KARS1: variants seen among roughly 807,000 people sequenced by gnomAD.
The protein encoded by KARS1 is lysine--tRNA ligase.
KARS1 carries 50 observed loss-of-function variants against 63.9 expected under a neutral mutation model. The observed-to-expected ratio is 0.78, with a 90% CI of 0.62 to 0.99. KARS1 has a LOEUF of 0.99. Among genes scored for constraint, KARS1 ranks in the 50% least tolerant of loss-of-function variants. The pLI is 0.00. For synonymous variants in KARS1, 320 were observed against 264.6 expected (o/e 1.21, Z -2.03); for missense variants, 816 against 754.5 (o/e 1.08, Z -0.95).
rs186579373 is a variant in KARS1 at position 75,636,066 on chromosome 16, A to T, written c.515T>A (p.Ile172Asn). ...GTCTCCCCGACGCAGTTTGTTATTA[A>T]TATGAATAAATTCTTCTTCTGATTT... The part of the protein sequence containing the change: ...NYKSEEEFIH[I>N]NNKLRRGDII... Residue 172 changes from isoleucine to asparagine, a missense_variant, in exon 5 of 14, where the codon ATT becomes AAT. By Grantham distance (149) the Ile-to-Asn change is moderately radical. Coordinates refer to ENST00000302445, the MANE Select transcript of KARS1 (RefSeq NM_005548.3). 20 of 1,600,116 alleles carry T rather than the reference A, an allele frequency of 1.2e-5. No homozygotes were observed. The African/African-American group carries it at 2.7e-4, about 21-fold the overall frequency.
intron 3 of KARS1, among the ~76,000 whole-genome samples, chr16:75,638,230 T>TTA (rs2082185618): frequency 6.6e-6 from 1 of 150,654 alleles, no homozygotes. Flanking sequence ...TTTTTTTTTT[T>TTA]ATTTTACTTT....
intron 7 of KARS1, among the ~76,000 whole-genome samples, chr16:75,633,719 G>C (rs1247363162): frequency 6.6e-6 from 1 of 152,088 alleles, no homozygotes; most frequent in African/African-American, 2.4e-5. Context: ...GTTTCACCAT[G>C]TTGGCCAGGT....
intron 1 of KARS1, among the ~76,000 whole-genome samples, chr16:75,646,544 A>T (rs2082286134): frequency 6.6e-6 from 1 of 151,936 alleles, no homozygotes; most frequent in African/African-American, 2.4e-5. Flanking sequence ...CATCTTAAAA[A>T]AAAAAAAAAA....
chr16:75,631,356 A>G, intron 9 of KARS1, 60 bp downstream of exon 9: 1 of 1,589,296 alleles, frequency 6.3e-7, no homozygotes, highest in Non-Finnish European at 8.6e-7. Context: ...GACCCAATCA[A>G]ATTCAGAGCT....
chr16:75,632,046 C>G (rs540500103), intron 7 of KARS1, among the ~76,000 whole-genome samples, 191 bp from the exon 8 acceptor site: 45 of 152,262 alleles, frequency 3.0e-4, no homozygotes, highest in Non-Finnish European at 1.3e-4. Flanking sequence ...TGCCACCACG[C>G]CTGGCTAATT....
At chr16:75,631,358 T>C in intron 9 of KARS1, 58 bp downstream of exon 9, 1 of 1,590,524 alleles carries the variant, frequency 6.3e-7, no homozygotes, top group East Asian at 2.2e-5. Context: ...CCCAATCAAA[T>C]TCAGAGCTGA....
At position 75,640,207 on chromosome 16, in the gene KARS1, G is replaced by C. The variant is rs368331785; in HGVS notation, c.365C>G (p.Thr122Ser). The stretch of plus-strand genomic sequence containing the variant: ...ACCTGCCACCTTTAAGGTGATGTCA[G>C]TCAGGTGATCCCCAGGCTGCAGGTG... ...YSHLQPGDHLTDITLKVAGRI... is the reference protein window; with the variant it reads ...YSHLQPGDHLSDITLKVAGRI... The change falls in exon 3 of 14, where the codon ACT (threonine) becomes AGT (serine). Residue 122 changes from threonine (T) to serine (S), a missense_variant. Thr to Ser is a moderately conservative substitution (Grantham distance 58, BLOSUM62 1). Transcript: ENST00000302445. The C allele has an allele frequency of 6.2e-7, 1 of 1,614,114 alleles. No homozygotes were observed.
In KARS1 at chr16:75,647,635, G is replaced by C; in HGVS notation, c.5C>G (p.Ala2Gly). 1.9e-6 allele frequency: 3 copies of C among 1,613,778 alleles called. No individual in the cohort carries two copies. The highest frequency in any genetic ancestry group is 2.5e-6 in the Non-Finnish European group (3 of 1,179,814). M[A>G]AVQAAEVKVD... Reference sequence around the variant, plus strand: ...TTTCACCTCGGCCGCCTGCACGGCCGCCATCTTCCCGGAGGGCCCGACCCA... The same window carrying C: ...TTTCACCTCGGCCGCCTGCACGGCCCCCATCTTCCCGGAGGGCCCGACCCA... The change falls in exon 1 of 14, where the codon GCG becomes GGG. Residue 2 changes from alanine (A) to glycine (G), a missense_variant. By Grantham distance (60) the Ala-to-Gly change is moderately conservative. Coordinates refer to ENST00000302445, the MANE Select transcript of KARS1 (RefSeq NM_005548.3).
intron 4 of KARS1, 90 bp downstream of exon 4, chr16:75,636,364 A>G: frequency 1.1e-6 from 1 of 931,086 alleles, no homozygotes; most frequent in Non-Finnish European, 1.8e-6. Context: ...TTCTTACTCT[A>G]ACTTCAAATA....
At chr16:75,630,626 A>T in intron 10 of KARS1, 118 bp from the exon 11 acceptor site, 1 of 433,162 alleles carries the variant, frequency 2.3e-6, no homozygotes, top group Non-Finnish European at 4.0e-6. Context: ...CTTTTTATTT[A>T]TTTATTATTA....
chr16:75,634,098 G>T, intron 7 of KARS1, 75 bp downstream of exon 7: 1 of 1,497,192 alleles, frequency 6.7e-7, no homozygotes, highest in Non-Finnish European at 9.3e-7. Context: ...TCTTATTTCT[G>T]ACTATACCCA....
chr16:75,637,889 A>G (rs539391503), intron 3 of KARS1, among the ~76,000 whole-genome samples: 1 of 148,734 alleles, frequency 6.7e-6, no homozygotes, highest in East Asian at 2.2e-4. Flanking sequence ...CAGGACAAGG[A>G]AAAAAGAGAC....
At chr16:75,636,598 A>T in intron 3 of KARS1, 51 bp from the exon 4 acceptor site, 1 of 1,162,632 alleles carries the variant, frequency 8.6e-7, no homozygotes, top group Non-Finnish European at 1.3e-6. Context: ...AAGTCATTTT[A>T]TGGTATCAGT....
chr16:75,629,363 T>C lies in KARS1; in HGVS notation c.1551+52A>G. 8.1e-6 allele frequency: 13 copies of C among 1,610,720 alleles called. No homozygotes were observed. In the South Asian group the frequency reaches 8.8e-5, roughly 11 times the overall value. On this transcript the variant is annotated intron_variant, in intron 12 of 13. Coordinates refer to ENST00000302445, the MANE Select transcript of KARS1 (RefSeq NM_005548.3). ...CGCTGACACAGATCAGGGTTAAGGC[T>C]GGTATTTCCTGGTGAGTTGGCACAG...
rs1310685143 is a variant in KARS1, at chr16:75,630,410, A to T, written c.1424+13T>A. ...TGGGGCTGTTATGCAGCAATAGGTA[A>T]CTGGAATCTTACCATTTAGCCAAAG... On this transcript the variant is annotated intron_variant, in intron 11 of 13. Coordinates refer to ENST00000302445, the MANE Select transcript of KARS1 (RefSeq NM_005548.3). 6.6e-7 allele frequency: 1 copy of T among 1,517,176 alleles called. No individual in the cohort carries two copies. Among genetic ancestry groups the T allele is most frequent in the East Asian group, 2.3e-5 (1 of 44,410 alleles). The allele number at this position is 1,517,176 out of a possible 1,614,324, so 94.0% of individuals were successfully genotyped here.
At chr16:75,638,230 T>A (rs201463739) in intron 3 of KARS1, among the ~76,000 whole-genome samples, 44 of 150,766 alleles carry the variant, frequency 2.9e-4, no homozygotes, top group Admixed American at 1.3e-3. Flanking sequence ...TTTTTTTTTT[T>A]ATTTTACTTT....
intron 9 of KARS1, 34 bp from the exon 10 acceptor site, chr16:75,631,287 C>G: frequency 1.3e-6 from 2 of 1,594,678 alleles, no homozygotes; most frequent in Non-Finnish European, 1.7e-6. Flanking sequence ...GGGCAGGAGA[C>G]ATCACACTAG....
chr16:75,630,201 A>G (rs1244684567), intron 11 of KARS1, among the ~76,000 whole-genome samples: 1 of 152,140 alleles, frequency 6.6e-6, no homozygotes, highest in Non-Finnish European at 1.5e-5. Context: ...GACAGGCCAC[A>G]TGAAGAGGCC....
chr16:75,644,352 T>G, intron 1 of KARS1: 1 of 1,611,708 alleles, frequency 6.2e-7, no homozygotes, highest in Non-Finnish European at 8.5e-7. Context: ...CAGTCGCAGT[T>G]CCCTGTGACC....
Sources: gnomAD v4.1 joint callset for allele counts (sites outside exome capture counted in the v4.1 genomes callset) on GRCh38, gnomAD v4.1.1 for gene constraint, MANE v1.5 for transcripts, NCBI Gene and HGNC (gene_info 2026-07-23, HGNC 2026-07-21) for gene names.